The following CECR2 variants were observed in gnomAD, a reference collection of about 807,000 sequenced individuals.
The protein encoded by CECR2 is chromatin remodeling regulator CECR2.
A neutral mutation model predicts 154.5 loss-of-function variants in CECR2; 30 were observed. The ratio of observed to expected loss-of-function variants is 0.19; its 90% confidence interval spans 0.15 to 0.26. CECR2 has a LOEUF of 0.26. Ranked by LOEUF, CECR2 falls within the 10% of genes least tolerant of loss-of-function variation. The probability of loss-of-function intolerance (pLI) is 1.00; values close to 1 mark genes in which losing one functional copy is unlikely to be tolerated. For synonymous variants in CECR2, 725 were observed against 683.7 expected, an observed-to-expected ratio of 1.06 and a Z score of -0.94; for missense variants, 1,743 against 1,829.3, an observed-to-expected ratio of 0.95 and a Z score of 0.86.
intron 1 of CECR2, among the ~76,000 whole-genome samples, chr22:17,363,800 A>G (rs1293683445): frequency 2.0e-5 from 3 of 152,108 alleles, no homozygotes; most frequent in Admixed American, 1.3e-4. Flanking sequence ...ATGCCTGGCT[A>G]AATTTTGTAT....
chr22:17,552,839 A>G lies in CECR2; in HGVS notation c.4394A>G (p.Ter1465TrpextTer46). Residue 1465 changes from the stop codon to tryptophan (W), a stop_lost, in exon 19 of 19, where the codon TAG (stop) becomes TGG (tryptophan). Coordinates refer to ENST00000262608, the MANE Select transcript of CECR2 (RefSeq NM_001290047.2). The stretch of plus-strand genomic sequence containing the variant: ...AAATGTCTTTGTTTCTTTCAGAGCT[A>G]GTCCAAGGAGGAAATGAGCCCCAAG... ...KPPTLPLDQS[*>W] 6.9e-7 allele frequency: 1 copy of G among 1,451,214 alleles called. No homozygotes were observed. Among genetic ancestry groups the G allele is most frequent in the Non-Finnish European group, 9.2e-7 (1 of 1,091,272 alleles). The allele number at this position is 1,451,214 out of a possible 1,614,324, so 89.9% of individuals were successfully genotyped here. A position where few individuals can be genotyped will look rare whatever the true frequency, so the allele number is the denominator to read the frequency against.
intron 1 of CECR2, among the ~76,000 whole-genome samples, chr22:17,462,898 C>G (rs573623782): frequency 6.6e-6 from 1 of 152,048 alleles, no homozygotes; most frequent in Non-Finnish European, 1.5e-5. Context: ...GGCAACAGAT[C>G]GAGACTCCGT....
chr22:17,541,689 C>A, intron 14 of CECR2, 150 bp from the exon 15 acceptor site: 1 of 826,036 alleles, frequency 1.2e-6, no homozygotes, highest in Non-Finnish European at 1.8e-6. Flanking sequence ...TGCGGGTGAG[C>A]ACGTGTGTTC....
At chr22:17,379,887 T>C (rs1403022058) in intron 1 of CECR2, among the ~76,000 whole-genome samples, 2 of 152,182 alleles carry the variant, frequency 1.3e-5, no homozygotes, top group East Asian at 3.8e-4. Context: ...AAAGATACCA[T>C]AGAACTTCAA....
chr22:17,377,930 C>T (rs1403330829), intron 1 of CECR2, among the ~76,000 whole-genome samples: 3 of 152,154 alleles, frequency 2.0e-5, no homozygotes, highest in Non-Finnish European at 4.4e-5. Flanking sequence ...ATAGTTTGAT[C>T]TGAAAATCTG....
At chr22:17,408,237 G>A (rs907139784) in intron 1 of CECR2, among the ~76,000 whole-genome samples, 21 of 96,736 alleles carry the variant, frequency 2.2e-4, no homozygotes, top group Middle Eastern at 0.011. Flanking sequence ...GCAATCACTC[G>A]TCTGCTTTCT....
rs940085523 is a variant in CECR2 at position 17,556,928 on chromosome 22, T to A, written c.*4088T>A. On this transcript the variant is annotated 3_prime_UTR_variant, in exon 19 of 19. Transcript: ENST00000262608. Reference sequence around the variant, plus strand: ...TAGCTTCAGTAAGGATACTTCTTATTTCGGTTGAGAATGCAGAGGCTTTTA... The same window carrying A: ...TAGCTTCAGTAAGGATACTTCTTATATCGGTTGAGAATGCAGAGGCTTTTA... 8 of 152,236 alleles carry A rather than the reference T, an allele frequency of 5.3e-5. No individual in the cohort carries two copies. The highest frequency in any genetic ancestry group is 1.9e-4 in the African/African-American group (8 of 41,454). The allele number at this position is 152,236 out of a possible 1,614,324, so 9.4% of individuals were successfully genotyped here. A position where few individuals can be genotyped will look rare whatever the true frequency, so the allele number is the denominator to read the frequency against.
At chr22:17,433,024 G>A (rs1452753539) in intron 1 of CECR2, among the ~76,000 whole-genome samples, 1 of 152,122 alleles carries the variant, frequency 6.6e-6, no homozygotes, top group Non-Finnish European at 1.5e-5. Context: ...TCTTATCACC[G>A]AGCTACATCC....
chr22:17,524,486 G>A (rs1483239978), intron 9 of CECR2, among the ~76,000 whole-genome samples: 1 of 131,580 alleles, frequency 7.6e-6, no homozygotes, highest in Non-Finnish European at 1.6e-5. Context: ...TTCACCTCCC[G>A]GGTTCATGCC....
intron 1 of CECR2, among the ~76,000 whole-genome samples, chr22:17,426,330 T>C (rs1343947349): frequency 3.9e-5 from 6 of 152,130 alleles, no homozygotes; most frequent in Non-Finnish European, 8.8e-5. Flanking sequence ...ATAAAGTCCA[T>C]ATGTTGTAAA....
chr22:17,414,499 T>C (rs1199472929), intron 1 of CECR2, among the ~76,000 whole-genome samples: 11 of 105,642 alleles, frequency 1.0e-4, no homozygotes, highest in Admixed American at 1.8e-4. Context: ...TATATCAGTT[T>C]TCTTTTTTTT....
intron 1 of CECR2, among the ~76,000 whole-genome samples, chr22:17,460,672 G>T: frequency 7.3e-6 from 1 of 137,422 alleles, no homozygotes; most frequent in Admixed American, 6.9e-5. Flanking sequence ...GTCTTAGATT[G>T]TATGGAGAGT....
intron 1 of CECR2, among the ~76,000 whole-genome samples, chr22:17,421,342 G>A (rs1328427474): frequency 6.6e-6 from 1 of 151,756 alleles, no homozygotes. Flanking sequence ...AAGGCCGGGC[G>A]CGGTGGCTCA....
intron 1 of CECR2, among the ~76,000 whole-genome samples, chr22:17,454,916 C>T (rs1160618681): frequency 1.3e-5 from 2 of 152,148 alleles, no homozygotes; most frequent in Non-Finnish European, 2.9e-5. Flanking sequence ...GTACACTCAC[C>T]AGCAGTTGTG....
intron 1 of CECR2, among the ~76,000 whole-genome samples, chr22:17,467,083 C>T (rs950201098): frequency 1.3e-5 from 2 of 152,116 alleles, no homozygotes; most frequent in African/African-American, 2.4e-5. Flanking sequence ...GTCTTCCTTC[C>T]GCTGTCTAGA....
rs368613674 is a variant in CECR2 at position 17,524,286 on chromosome 22, C to G, written c.1108+15C>G. The G allele has an allele frequency of 1.4e-5, 23 of 1,603,488 alleles. No individual in the cohort carries two copies. Among genetic ancestry groups the G allele is most frequent in the Non-Finnish European group, 2.0e-5 (23 of 1,175,934 alleles). Reference sequence around the variant, plus strand: ...GGCAGTGGAAGGTATGTGCAGTGTCCGCGTGGTCTGGAGAGGTGCATGTCT... The same window carrying G: ...GGCAGTGGAAGGTATGTGCAGTGTCGGCGTGGTCTGGAGAGGTGCATGTCT... On this transcript the variant is annotated intron_variant, in intron 9 of 18. Transcript: ENST00000262608.
At chr22:17,434,319 C>T (rs566074256) in intron 1 of CECR2, among the ~76,000 whole-genome samples, 121 of 152,312 alleles carry the variant, frequency 7.9e-4, no homozygotes, top group African/African-American at 2.8e-3. Flanking sequence ...AGTCCAGACC[C>T]ATCCTTCTAG....
In CECR2 at chr22:17,447,033, C is replaced by CTTTTTTTTTT. The variant is rs1555910503; in HGVS notation, c.127-30545_127-30536dup. Among the ~76,000 whole-genome samples the CTTTTTTTTTT allele has an allele frequency of 1.1e-4, 12 of 114,102 alleles. 1 individual carries two copies. The highest frequency in any genetic ancestry group is 3.7e-4 in the African/African-American group (10 of 26,694). The allele number at this position is 114,102 out of a possible 152,430, so 74.9% of individuals were successfully genotyped here. ...GAGTGCTGAGTGGTGCGTTTACAAT[C>CTTTTTTTTTT]TTTTTTTTTTTTTTTTTTTGAGACA... is the stretch of plus-strand genomic sequence containing the variant. On this transcript the variant is annotated intron_variant, in intron 1 of 18. Transcript: ENST00000262608.
chr22:17,475,501 C>T (rs2055194239), intron 1 of CECR2, among the ~76,000 whole-genome samples: 1 of 152,008 alleles, frequency 6.6e-6, no homozygotes, highest in African/African-American at 2.4e-5. Flanking sequence ...GCTGTGTGGC[C>T]CAGGCTGGTC....
Sources: allele counts gnomAD v4.1 joint callset (sites outside exome capture counted in the v4.1 genomes callset), GRCh38; gene constraint gnomAD v4.1.1; transcripts MANE v1.5; gene names NCBI Gene and HGNC (gene_info 2026-07-23, HGNC 2026-07-21).